Variants in PCDHGA12 observed in about 807,000 individuals in gnomAD.
The protein encoded by PCDHGA12 is protocadherin gamma subfamily A, 12, also known as protocadherin gamma-A12.
In PCDHGA12, 43 loss-of-function variants were observed where a neutral mutation model predicts 61.1. That is an observed-to-expected ratio of 0.70 (90% CI 0.55 to 0.91). The LOEUF (loss-of-function observed/expected upper bound fraction) is 0.91, where lower values mean the gene tolerates loss of function less well. Among genes scored for constraint, PCDHGA12 ranks in the 40% least tolerant of loss-of-function variants. The pLI, the probability that PCDHGA12 is intolerant of heterozygous loss-of-function variation, is 0.00. For synonymous variants in PCDHGA12, 520 were observed against 542.9 expected (o/e 0.96, Z 0.59); for missense variants, 1,236 against 1,227.7 (o/e 1.01, Z -0.10).
intron 1 of PCDHGA12, chr5:141,478,899 T>A (rs905349011): frequency 9.7e-7 from 1 of 1,027,124 alleles, no homozygotes; most frequent in African/African-American, 1.6e-5. Context: ...ACATTAGGAA[T>A]AAGCTGCTGG....
intron 1 of PCDHGA12, among the ~76,000 whole-genome samples, chr5:141,462,825 C>T (rs1040054698): frequency 4.6e-5 from 7 of 152,124 alleles, no homozygotes; most frequent in Admixed American, 3.9e-4. Context: ...GGACAGCAGA[C>T]ATTGTAAATG....
chr5:141,486,745 C>T lies in PCDHGA12; in HGVS notation c.2425-8062C>T, dbSNP rs1167986336. On this transcript the variant is annotated intron_variant, in intron 1 of 3. Coordinates refer to ENST00000252085, the MANE Select transcript of PCDHGA12 (RefSeq NM_003735.3). This position sits in a 1 kb window ranked among gnomAD's most constrained non-coding sequence, Gnocchi z 5.0. ...CTGTTCATGCTACTCGATCCTTTGA[C>T]TATGAGCAAACCCAGACACTGCAGT... 3.1e-6 allele frequency: 5 copies of T among 1,614,226 alleles called. No homozygotes were observed. The highest frequency in any genetic ancestry group is 3.4e-6 in the Non-Finnish European group (4 of 1,180,044).
intron 1 of PCDHGA12, among the ~76,000 whole-genome samples, chr5:141,484,072 G>A (rs2099591675): frequency 6.6e-6 from 1 of 152,258 alleles, no homozygotes; most frequent in Admixed American, 6.5e-5. Flanking sequence ...TGAAAAGCTT[G>A]CTCTTTTGAA....
intron 1 of PCDHGA12, chr5:141,478,344 A>G: frequency 6.2e-7 from 1 of 1,613,882 alleles, no homozygotes; most frequent in Non-Finnish European, 8.5e-7. Context: ...CCCTCCTTGC[A>G]CGCGGACGCC....
chr5:141,449,389 T>C (rs577860793), intron 1 of PCDHGA12, among the ~76,000 whole-genome samples: 5 of 151,964 alleles, frequency 3.3e-5, no homozygotes, highest in African/African-American at 1.2e-4. Flanking sequence ...GGTGGATTAC[T>C]TGAGGCCAGG....
In PCDHGA12 at chr5:141,454,796, A is replaced by ATTTTTTTTTTTTTTTTTTT. The variant is rs61612330; in HGVS notation, c.2424+21624_2424+21642dup. Among the ~76,000 whole-genome samples the ATTTTTTTTTTTTTTTTTTT allele has an allele frequency of 2.8e-4, 22 of 77,458 alleles. 2 individuals are homozygous for ATTTTTTTTTTTTTTTTTTT. Among genetic ancestry groups the ATTTTTTTTTTTTTTTTTTT allele is most frequent in the East Asian group, 4.0e-4 (1 of 2,512 alleles). The allele number at this position is 77,458 out of a possible 152,430, so 50.8% of individuals were successfully genotyped here. The stretch of plus-strand genomic sequence containing the variant: ...AAGGAAATAATCCTCCATGGTTCTA[A>ATTTTTTTTTTTTTTTTTTT]TTTTTTTTTTTTTTTTTTTTTTTTT... On this transcript the variant is annotated intron_variant, in intron 1 of 3. Coordinates refer to ENST00000252085, the MANE Select transcript of PCDHGA12 (RefSeq NM_003735.3).
At chr5:141,450,147 C>T (rs1322871298) in intron 1 of PCDHGA12, among the ~76,000 whole-genome samples, 2 of 151,774 alleles carry the variant, frequency 1.3e-5, no homozygotes, top group African/African-American at 4.8e-5. Context: ...GCTGGGACTA[C>T]AGGCATGTGC....
Position 141,430,575 on chromosome 5 carries a change from A to G in PCDHGA12, c.-185A>G. The G allele has an allele frequency of 4.4e-6, 2 of 455,822 alleles. No individual in the cohort carries two copies. Among genetic ancestry groups the G allele is most frequent in the East Asian group, 3.5e-5 (1 of 28,890 alleles). The allele number at this position is 455,822 out of a possible 1,614,324, so 28.2% of individuals were successfully genotyped here. On this transcript the variant is annotated 5_prime_UTR_variant, in exon 1 of 4. Transcript: ENST00000252085. ...ACCAATCGGGGAGAGAAAAGCGGAG[A>G]TCCTGCTCGCCTTGCACGCGCCTGA... is the stretch of plus-strand genomic sequence containing the variant.
intron 1 of PCDHGA12, among the ~76,000 whole-genome samples, chr5:141,488,713 C>A (rs1165389103): frequency 6.6e-6 from 1 of 152,184 alleles, no homozygotes; most frequent in Non-Finnish European, 1.5e-5. Context: ...CTGGTTCAAG[C>A]AAAGTGGTGG....
intron 1 of PCDHGA12, among the ~76,000 whole-genome samples, chr5:141,447,165 G>T (rs1192617600): frequency 6.6e-6 from 1 of 151,842 alleles, no homozygotes; most frequent in African/African-American, 2.4e-5. Flanking sequence ...TTTAAGCGGG[G>T]TCTTGCTCTT....
Position 141,491,717 on chromosome 5 carries a change from C to A in PCDHGA12, c.2425-3090C>A. ...CGGAGCCAGGTGAGGGGCTCGGCGC[C>A]GCCCCGGGCGACCCCTGGGGGCGGC... On this transcript the variant is annotated intron_variant, in intron 1 of 3. Coordinates refer to ENST00000252085, the MANE Select transcript of PCDHGA12 (RefSeq NM_003735.3). The surrounding 1 kb of genome is among the most constrained non-coding windows in gnomAD (Gnocchi z 6.9). 1 of 1,607,940 alleles carries A rather than the reference C, an allele frequency of 6.2e-7. No individual in the cohort carries two copies. Among genetic ancestry groups the A allele is most frequent in the Middle Eastern group, 1.7e-4 (1 of 6,010 alleles).
chr5:141,432,104 C>T lies in PCDHGA12; in HGVS notation c.1345C>T (p.Pro449Ser). ...SLNVADTNDN[P>S]PVFPQASYSA... is the part of the protein sequence containing the mutation. The stretch of plus-strand genomic sequence containing the variant: ...GAACGTGGCAGACACCAACGACAAC[C>T]CGCCGGTCTTCCCTCAGGCCTCCTA... Residue 449 changes from proline to serine, a missense_variant, in exon 1 of 4, where the codon CCG (proline) becomes TCG (serine). Coordinates refer to ENST00000252085, the MANE Select transcript of PCDHGA12 (RefSeq NM_003735.3). This position sits in a 1 kb window ranked among gnomAD's most constrained non-coding sequence, Gnocchi z 6.0. 1 of 1,614,204 alleles carries T rather than the reference C, an allele frequency of 6.2e-7. No individual in the cohort carries two copies. The highest frequency in any genetic ancestry group is 1.7e-5 in the Admixed American group (1 of 60,026).
intron 1 of PCDHGA12, chr5:141,468,696 C>G (rs1483766202): frequency 6.6e-6 from 1 of 151,386 alleles, no homozygotes; most frequent in East Asian, 2.0e-4. Context: ...GAAACCCCGT[C>G]TCTACTAAAA....
chr5:141,475,162 G>T (rs949339969), intron 1 of PCDHGA12, among the ~76,000 whole-genome samples: 2 of 152,034 alleles, frequency 1.3e-5, no homozygotes, highest in South Asian at 4.1e-4. Flanking sequence ...TTCTTCATTA[G>T]CAGTGCAACT....
intron 1 of PCDHGA12, chr5:141,441,038 G>A (rs1263659082): frequency 6.6e-6 from 1 of 152,156 alleles, no homozygotes; most frequent in African/African-American, 2.4e-5. Context: ...AAAACTTTAA[G>A]TACATTGGAC....
chr5:141,489,101 T>G lies in PCDHGA12; in HGVS notation c.2425-5706T>G. 1 of 398,408 alleles carries G rather than the reference T, an allele frequency of 2.5e-6. No homozygotes were observed. Among genetic ancestry groups the G allele is most frequent in the Non-Finnish European group, 4.5e-6 (1 of 223,328 alleles). The allele number at this position is 398,408 out of a possible 1,614,324, so 24.7% of individuals were successfully genotyped here. On this transcript the variant is annotated intron_variant, in intron 1 of 3. Transcript: ENST00000252085. The surrounding 1 kb of genome is among the most constrained non-coding windows in gnomAD (Gnocchi z 4.5). Reference sequence around the variant, plus strand: ...CCGCCACTCGGTGACTAAGAACTGCTGCAAGCAGGCAAACCTCCGAGCAGT... The same window carrying G: ...CCGCCACTCGGTGACTAAGAACTGCGGCAAGCAGGCAAACCTCCGAGCAGT...
At chr5:141,446,365 G>T (rs2098499873) in intron 1 of PCDHGA12, among the ~76,000 whole-genome samples, 1 of 152,194 alleles carries the variant, frequency 6.6e-6, no homozygotes, top group Non-Finnish European at 1.5e-5. Flanking sequence ...GATGAGAATG[G>T]AAGACTAAAG....
intron 1 of PCDHGA12, chr5:141,478,910 A>C (rs568573298): frequency 1.1e-6 from 1 of 893,688 alleles, no homozygotes; most frequent in Non-Finnish European, 1.6e-6. Context: ...AAGCTGCTGG[A>C]TACCTCTAAC....
chr5:141,482,514 G>A (rs2099563611), intron 1 of PCDHGA12, among the ~76,000 whole-genome samples: 1 of 130,122 alleles, frequency 7.7e-6, no homozygotes. Flanking sequence ...CCAGAGTACA[G>A]TATGAGACAG....
Sources: gnomAD v4.1 joint callset for allele counts (sites outside exome capture counted in the v4.1 genomes callset) on GRCh38, gnomAD v4.1.1 for gene constraint, Gnocchi (gnomAD v3.1) non-coding constraint, MANE v1.5 for transcripts, NCBI Gene and HGNC (gene_info 2026-07-23, HGNC 2026-07-21) for gene names.